Variants in GRM7 observed in about 807,000 individuals in gnomAD.
GRM7 encodes glutamate metabotropic receptor 7.
Under a neutral mutation model 84.5 loss-of-function variants are expected in GRM7, and 35 were observed. The ratio of observed to expected loss-of-function variants is 0.41; its 90% CI spans 0.32 to 0.55. The LOEUF is 0.55. Among genes scored for constraint, GRM7 ranks in the 20% least tolerant of loss-of-function variants. GRM7 has a pLI of 0.19. For synonymous variants in GRM7, 487 were observed against 455.1 expected, an observed-to-expected ratio of 1.07 and a Z score of -0.89; for missense variants, 1,003 against 1,194.6, an observed-to-expected ratio of 0.84 and a Z score of 2.36.
chr3:6,908,406 G>A (rs1307678311), intron 1 of GRM7, among the ~76,000 whole-genome samples: 1 of 152,218 alleles, frequency 6.6e-6, no homozygotes, highest in African/African-American at 2.4e-5. Context: ...GCAATGATCT[G>A]TTTAATTCTC....
intron 8 of GRM7, among the ~76,000 whole-genome samples, chr3:7,609,199 A>T (rs1183194787): frequency 6.6e-6 from 1 of 152,182 alleles, no homozygotes; most frequent in Non-Finnish European, 1.5e-5. Flanking sequence ...ATTTACAGGG[A>T]CCAAAGATAG....
At chr3:6,964,334 G>A (rs557944540) in intron 1 of GRM7, among the ~76,000 whole-genome samples, 1 of 152,230 alleles carries the variant, frequency 6.6e-6, no homozygotes, top group South Asian at 2.1e-4. Context: ...ACTTATCATT[G>A]TATCCTCACT....
intron 1 of GRM7, among the ~76,000 whole-genome samples, chr3:7,129,931 A>G (rs1257069202): frequency 2.0e-5 from 3 of 152,188 alleles, no homozygotes; most frequent in Non-Finnish European, 4.4e-5. Flanking sequence ...AATCACATAT[A>G]CAGAGGGACT....
intron 1 of GRM7, among the ~76,000 whole-genome samples, chr3:7,073,741 G>A (rs1225845736): frequency 1.3e-5 from 2 of 152,086 alleles, no homozygotes; most frequent in African/African-American, 2.4e-5. Context: ...TTTATAATAT[G>A]GTACTTCTGA....
At chr3:7,199,911 A>G (rs934935614) in intron 2 of GRM7, among the ~76,000 whole-genome samples, 5 of 152,206 alleles carry the variant, frequency 3.3e-5, no homozygotes, top group African/African-American at 1.2e-4. Flanking sequence ...TGTTGCTATA[A>G]TGAAATACTT....
intron 1 of GRM7, among the ~76,000 whole-genome samples, chr3:6,989,715 T>A (rs777708424): frequency 3.9e-4 from 60 of 152,246 alleles, no homozygotes; most frequent in Non-Finnish European, 3.2e-4. Context: ...GAGCCGATAA[T>A]TCACATGGCT....
chr3:7,740,412 T>A lies in GRM7; in HGVS notation c.*6T>A. The A allele has an allele frequency of 3.3e-6, 5 of 1,522,146 alleles. No homozygotes were observed. The highest frequency in any genetic ancestry group is 4.5e-6 in the Non-Finnish European group (5 of 1,107,870). The allele number at this position is 1,522,146 out of a possible 1,614,324, so 94.3% of individuals were successfully genotyped here. On this transcript the variant is annotated 3_prime_UTR_variant, in exon 10 of 10. Transcript: ENST00000357716. ...ATAATAACCTGGTTATCTAACCTGT[T>A]CCATTCCATGGAACCATGGAGGAGG...
rs566892718 is a variant in GRM7 at position 7,147,683 on chromosome 3, G to A, written c.736+1015G>A. ...GGATGATGCTAGAAGAGAGAAACTA[G>A]GACTTGTTTATAAATCTCATGTTTT... On this transcript the variant is annotated intron_variant, in intron 2 of 9. Transcript: ENST00000357716. Among the ~76,000 whole-genome samples, 4 of 152,194 alleles carry A rather than the reference G, an allele frequency of 2.6e-5. No homozygotes were observed. The East Asian group carries it at 7.7e-4, about 29-fold the overall frequency.
intron 1 of GRM7, among the ~76,000 whole-genome samples, chr3:6,872,151 C>G (rs1695142918): frequency 1.3e-5 from 2 of 152,136 alleles, no homozygotes; most frequent in Non-Finnish European, 2.9e-5. Flanking sequence ...CTACTGGGAC[C>G]ACAATTTCTG....
intron 7 of GRM7, among the ~76,000 whole-genome samples, chr3:7,523,087 C>A (rs1239555): frequency 0.61 from 93,169 of 151,746 alleles, 29,629 homozygotes; most frequent in African/African-American, 0.79. Context: ...GTTGTTCAAG[C>A]AATTTCTATT....
At chr3:7,511,260 T>C (rs1350341922) in intron 7 of GRM7, among the ~76,000 whole-genome samples, 1 of 152,160 alleles carries the variant, frequency 6.6e-6, no homozygotes, top group Admixed American at 6.5e-5. Context: ...GTCCCCATTA[T>C]CTAGAAACTT....
chr3:7,124,748 G>T (rs1389841487), intron 1 of GRM7, among the ~76,000 whole-genome samples: 1 of 152,030 alleles, frequency 6.6e-6, no homozygotes, highest in Non-Finnish European at 1.5e-5. Flanking sequence ...ATCACAATGA[G>T]AACTTTTTGT....
intron 8 of GRM7, among the ~76,000 whole-genome samples, chr3:7,582,459 G>C (rs1695303326): frequency 6.6e-6 from 1 of 152,050 alleles, no homozygotes; most frequent in South Asian, 2.1e-4. Context: ...ACAAGGAATG[G>C]GATCATAAGT....
rs78850750 is a variant in GRM7 at position 7,419,590 on chromosome 3, G to A, written c.1174+4427G>A. ...TTTTAAACTCAGAAGGAGGTTCTGA[G>A]AACCTGAATATGTTTGCCTATGACT... On this transcript the variant is annotated intron_variant, in intron 5 of 9. Transcript: ENST00000357716. Among the ~76,000 whole-genome samples the A allele has an allele frequency of 4.5e-3, 682 of 152,184 alleles. 2 individuals are homozygous for A. Among genetic ancestry groups the A allele is most frequent in the African/African-American group, 0.015 (642 of 41,546 alleles).
chr3:7,377,139 A>T (rs1189871884), intron 4 of GRM7, among the ~76,000 whole-genome samples: 1 of 152,228 alleles, frequency 6.6e-6, no homozygotes, highest in Non-Finnish European at 1.5e-5. Flanking sequence ...CACAGATTTC[A>T]CTGACCTAAA....
At chr3:6,866,028 C>T (rs1451822972) in intron 1 of GRM7, among the ~76,000 whole-genome samples, 9 of 152,186 alleles carry the variant, frequency 5.9e-5, no homozygotes, top group Admixed American at 5.9e-4. Flanking sequence ...GGAATGAAGA[C>T]ATGCACATAT....
chr3:6,941,245 G>A (rs1195094056), intron 1 of GRM7, among the ~76,000 whole-genome samples: 4 of 152,090 alleles, frequency 2.6e-5, no homozygotes, highest in Non-Finnish European at 4.4e-5. Context: ...TCTGCTTTAG[G>A]TATACGACTT....
intron 3 of GRM7, among the ~76,000 whole-genome samples, chr3:7,300,338 A>C (rs771714195): frequency 1.3e-5 from 2 of 152,272 alleles, no homozygotes; most frequent in African/African-American, 2.4e-5. Context: ...GAATCCATCC[A>C]TCTCCTAGTA....
At chr3:7,294,106 A>G (rs1048130186) in intron 2 of GRM7, among the ~76,000 whole-genome samples, 3 of 152,168 alleles carry the variant, frequency 2.0e-5, no homozygotes, top group Non-Finnish European at 4.4e-5. Context: ...ATTCCCCGTA[A>G]GAGGGGATGA....
Sources: allele counts gnomAD v4.1 joint callset (sites outside exome capture counted in the v4.1 genomes callset), GRCh38; gene constraint gnomAD v4.1.1; transcripts MANE v1.5; gene names NCBI Gene and HGNC (gene_info 2026-07-23, HGNC 2026-07-21).